Variants in ATRNL1 observed in about 807,000 individuals in gnomAD.
The protein encoded by ATRNL1 is attractin like 1.
ATRNL1 carries 95 observed loss-of-function variants against 182.7 expected under a neutral mutation model. The observed-to-expected ratio is 0.52, with a 90% CI of 0.44 to 0.62. The LOEUF (loss-of-function observed/expected upper bound fraction) is 0.62, where lower values mean the gene tolerates loss of function less well. Among genes scored for constraint, ATRNL1 ranks in the 20% least tolerant of loss-of-function variants. ATRNL1 has a pLI of 0.00. For synonymous variants in ATRNL1, 576 were observed against 568.3 expected (o/e 1.01, Z -0.19); for missense variants, 1,471 against 1,679.5 (o/e 0.88, Z 2.17).
intron 27 of ATRNL1, among the ~76,000 whole-genome samples, chr10:115,785,733 G>T (rs1216366791): frequency 6.6e-6 from 1 of 152,140 alleles, no homozygotes; most frequent in East Asian, 1.9e-4. Context: ...ATAAAGTGCT[G>T]GTTTGTTTTT....
chr10:115,600,009 C>A (rs538122143), intron 26 of ATRNL1, among the ~76,000 whole-genome samples: 1 of 152,052 alleles, frequency 6.6e-6, no homozygotes, highest in Non-Finnish European at 1.5e-5. Context: ...CCCAGGCAAC[C>A]ATGCGTGTGC....
intron 20 of ATRNL1, among the ~76,000 whole-genome samples, chr10:115,400,668 C>G (rs1844520393): frequency 6.6e-6 from 1 of 152,024 alleles, no homozygotes; most frequent in Admixed American, 6.6e-5. Context: ...GATTTTCTTA[C>G]TGAATTGAAC....
intron 9 of ATRNL1, among the ~76,000 whole-genome samples, chr10:115,226,302 T>C (rs1554898660): frequency 6.6e-6 from 1 of 152,020 alleles, no homozygotes; most frequent in Non-Finnish European, 1.5e-5. Context: ...ACAATAATAT[T>C]CTAGAAGATA....
chr10:115,320,628 A>T (rs1167098082), intron 18 of ATRNL1, among the ~76,000 whole-genome samples: 1 of 151,728 alleles, frequency 6.6e-6, no homozygotes, highest in African/African-American at 2.4e-5. Context: ...TGCATGCCTT[A>T]TTTCAGCAAG....
At chr10:115,900,999 C>A (rs1952335312) in intron 28 of ATRNL1, among the ~76,000 whole-genome samples, 1 of 152,128 alleles carries the variant, frequency 6.6e-6, no homozygotes, top group Non-Finnish European at 1.5e-5. Flanking sequence ...GTAGAAGAGT[C>A]CACATCCTTG....
At chr10:115,856,257 G>A (rs554948448) in intron 28 of ATRNL1, among the ~76,000 whole-genome samples, 26 of 151,326 alleles carry the variant, frequency 1.7e-4, no homozygotes, top group Non-Finnish European at 2.9e-4. Context: ...GTGAAATCCC[G>A]TCTCTACTAA....
intron 26 of ATRNL1, among the ~76,000 whole-genome samples, chr10:115,657,672 C>T (rs1483532045): frequency 6.6e-6 from 1 of 152,116 alleles, no homozygotes; most frequent in East Asian, 1.9e-4. Flanking sequence ...CCATTAAATG[C>T]CAGCCCAGCT....
At chr10:115,621,376 C>T (rs1857762518) in intron 26 of ATRNL1, among the ~76,000 whole-genome samples, 1 of 151,212 alleles carries the variant, frequency 6.6e-6, no homozygotes, top group Admixed American at 6.6e-5. Context: ...ATAATCATGG[C>T]TCACTGCAGC....
intron 27 of ATRNL1, among the ~76,000 whole-genome samples, chr10:115,749,734 A>G (rs1245593732): frequency 6.6e-6 from 1 of 152,008 alleles, no homozygotes; most frequent in Non-Finnish European, 1.5e-5. Flanking sequence ...TTTGGAATGG[A>G]AAGAGAGATA....
chr10:115,301,263 C>T (rs1300439671), intron 16 of ATRNL1, among the ~76,000 whole-genome samples: 1 of 152,028 alleles, frequency 6.6e-6, no homozygotes, highest in Non-Finnish European at 1.5e-5. Context: ...TATATATAGC[C>T]AGAAGCAGAA....
chr10:115,815,003 C>A (rs1010463618), intron 27 of ATRNL1, among the ~76,000 whole-genome samples: 2 of 152,082 alleles, frequency 1.3e-5, no homozygotes, highest in Non-Finnish European at 2.9e-5. Flanking sequence ...AGGTAACATA[C>A]CTGATCAAGT....
At chr10:115,920,444 G>A (rs1555118436) in intron 28 of ATRNL1, among the ~76,000 whole-genome samples, 1 of 152,210 alleles carries the variant, frequency 6.6e-6, no homozygotes, top group East Asian at 1.9e-4. Context: ...GTGGGCAAGA[G>A]TAACATGAAG....
chr10:115,601,373 T>C (rs1379535508), intron 26 of ATRNL1, among the ~76,000 whole-genome samples: 2 of 152,216 alleles, frequency 1.3e-5, no homozygotes, highest in African/African-American at 4.8e-5. Context: ...ATTATTGTAA[T>C]GTCAATTAGA....
At chr10:115,796,269 G>T (rs1949651870) in intron 27 of ATRNL1, among the ~76,000 whole-genome samples, 1 of 151,882 alleles carries the variant, frequency 6.6e-6, no homozygotes, top group South Asian at 2.1e-4. Context: ...TGCCACGTCT[G>T]CCCTCCTTCA....
intron 3 of ATRNL1, among the ~76,000 whole-genome samples, chr10:115,124,446 A>C (rs1554872734): frequency 6.6e-6 from 1 of 152,076 alleles, no homozygotes; most frequent in Admixed American, 6.5e-5. Flanking sequence ...TGTGTTACCC[A>C]CCCAGCACAT....
At chr10:115,119,261 T>C (rs181751826) in intron 1 of ATRNL1, among the ~76,000 whole-genome samples, 1 of 151,864 alleles carries the variant, frequency 6.6e-6, no homozygotes, top group Non-Finnish European at 1.5e-5. Flanking sequence ...TTAAAGTTTT[T>C]CCCCCCTAAT....
intron 19 of ATRNL1, among the ~76,000 whole-genome samples, chr10:115,379,567 T>C (rs782255396): frequency 2.0e-4 from 31 of 152,348 alleles, no homozygotes; most frequent in South Asian, 4.1e-4. Context: ...AGTGTAACTC[T>C]GAATATGACA....
rs550018366 is a variant in ATRNL1, at chr10:115,160,206, G to C, written c.996G>C (p.Met332Ile). The change falls in exon 6 of 29, where the codon ATG (methionine) becomes ATC (isoleucine). Residue 332 changes from methionine (M) to isoleucine (I), a missense_variant. By Grantham distance (10) the Met-to-Ile change is conservative. This residue lies in a region of ATRNL1 where 1,031 missense variants were observed against 1,156.0 expected (regional missense o/e 0.89). Coordinates refer to ENST00000355044, the MANE Select transcript of ATRNL1 (RefSeq NM_207303.4). ...GYTFNYSSFQ[M>I]VLNYNLESSI... is the part of the protein sequence containing the mutation. ...CTTTTAACTACAGTTCTTTTCAAAT[G>C]GTCCTAAAGTAAGTATTTATTTTCA... is the stretch of plus-strand genomic sequence containing the variant. 7 of 1,603,956 alleles carry C rather than the reference G, an allele frequency of 4.4e-6. No individual in the cohort carries two copies. The highest frequency in any genetic ancestry group is 2.2e-5 in the South Asian group (2 of 89,160).
chr10:115,413,340 T>C (rs1845233239), intron 20 of ATRNL1, among the ~76,000 whole-genome samples: 1 of 152,126 alleles, frequency 6.6e-6, no homozygotes, highest in African/African-American at 2.4e-5. Context: ...GAATTAAACG[T>C]GGAACAAATT....
Sources: allele counts gnomAD v4.1 joint callset (sites outside exome capture counted in the v4.1 genomes callset), GRCh38; gene constraint gnomAD v4.1.1; regional missense constraint gnomAD v4.1.1; transcripts MANE v1.5; gene names NCBI Gene and HGNC (gene_info 2026-07-23, HGNC 2026-07-21).